Variants in BBS9 observed in about 807,000 individuals in gnomAD.
The protein encoded by BBS9 is Bardet-Biedl syndrome 9.
BBS9 carries 89 observed loss-of-function variants against 117.7 expected under a neutral mutation model. That is an observed-to-expected ratio of 0.76 (90% CI 0.64 to 0.90). BBS9 has a LOEUF of 0.90. Ranked by LOEUF, BBS9 falls within the 40% of genes least tolerant of loss-of-function variation. BBS9 has a pLI of 0.00. For synonymous variants in BBS9, 379 were observed against 370.9 expected (o/e 1.02, Z -0.25); for missense variants, 982 against 1,042.2 (o/e 0.94, Z 0.80).
chr7:33,536,409 A>G (rs1285680872), intron 21 of BBS9, among the ~76,000 whole-genome samples: 1 of 152,162 alleles, frequency 6.6e-6, no homozygotes, highest in Admixed American at 6.5e-5. Flanking sequence ...TTTCTTCCCT[A>G]TAACTCAGAT....
At chr7:33,620,587 A>G (rs181286476) in intron 21 of BBS9, among the ~76,000 whole-genome samples, 1 of 152,264 alleles carries the variant, frequency 6.6e-6, no homozygotes, top group East Asian at 1.9e-4. Context: ...ATGAAAAAAA[A>G]GGAAAAAAAC....
chr7:33,543,058 C>G (rs1344444931), intron 21 of BBS9, among the ~76,000 whole-genome samples: 1 of 152,120 alleles, frequency 6.6e-6, no homozygotes, highest in Non-Finnish European at 1.5e-5. Context: ...AGTGGTTGTA[C>G]TAGTTTACAT....
chr7:33,414,423 G>T (rs1831642691), intron 19 of BBS9, among the ~76,000 whole-genome samples: 1 of 151,932 alleles, frequency 6.6e-6, no homozygotes, highest in Non-Finnish European at 1.5e-5. Flanking sequence ...TATCATTGTA[G>T]AAAATTTATA....
At chr7:33,634,156 C>G (rs531878532) in intron 21 of BBS9, among the ~76,000 whole-genome samples, 1 of 152,226 alleles carries the variant, frequency 6.6e-6, no homozygotes, top group Non-Finnish European at 1.5e-5. Context: ...TCCCTGCTCT[C>G]CCAAGTCCCT....
chr7:33,397,778 G>A (rs1466619464), intron 19 of BBS9, among the ~76,000 whole-genome samples: 1 of 152,092 alleles, frequency 6.6e-6, no homozygotes, highest in Non-Finnish European at 1.5e-5. Flanking sequence ...GAGAACACAT[G>A]GACACATTGT....
chr7:33,477,382 C>T (rs996777478), intron 19 of BBS9, among the ~76,000 whole-genome samples: 3 of 152,090 alleles, frequency 2.0e-5, no homozygotes, highest in Admixed American at 2.0e-4. Flanking sequence ...AGAGAAAAGT[C>T]CATTTGAATG....
chr7:33,555,381 A>G (rs1384446320), intron 21 of BBS9, among the ~76,000 whole-genome samples: 1 of 152,134 alleles, frequency 6.6e-6, no homozygotes, highest in Non-Finnish European at 1.5e-5. Flanking sequence ...GCAATGGAAA[A>G]ATAATGGTGA....
intron 5 of BBS9, among the ~76,000 whole-genome samples, chr7:33,235,193 A>G (rs1051073519): frequency 2.6e-5 from 4 of 152,136 alleles, no homozygotes; most frequent in African/African-American, 9.7e-5. Flanking sequence ...GGCATCATTT[A>G]TGTTTACACA....
intron 20 of BBS9, among the ~76,000 whole-genome samples, chr7:33,508,009 T>G (rs1340816197): frequency 1.3e-5 from 2 of 152,246 alleles, no homozygotes; most frequent in East Asian, 1.9e-4. Context: ...CTTTGTAATG[T>G]GCAGTGCCTC....
intron 21 of BBS9, among the ~76,000 whole-genome samples, chr7:33,543,842 G>C (rs551080008): frequency 1.3e-5 from 2 of 152,206 alleles, no homozygotes; most frequent in African/African-American, 4.8e-5. Flanking sequence ...ATTATTCTTA[G>C]GTTTGTTCAT....
intron 21 of BBS9, among the ~76,000 whole-genome samples, chr7:33,566,473 G>A (rs973687072): frequency 1.3e-5 from 2 of 151,936 alleles, no homozygotes; most frequent in East Asian, 1.9e-4. Context: ...CACCCTTAAA[G>A]TTCCCACTTA....
At chr7:33,590,458 T>TG (rs931579506) in intron 21 of BBS9, among the ~76,000 whole-genome samples, 1 of 98,144 alleles carries the variant, frequency 1.0e-5, no homozygotes, top group African/African-American at 6.8e-5. Context: ...TTTGTTTTTT[T>TG]GTTTTTTTTT....
At chr7:33,382,558 C>T (rs1313433715) in intron 17 of BBS9, among the ~76,000 whole-genome samples, 1 of 151,910 alleles carries the variant, frequency 6.6e-6, no homozygotes, top group Non-Finnish European at 1.5e-5. Flanking sequence ...TAGTTAAGTG[C>T]CTAGTGAACT....
chr7:33,201,369 A>G (rs986307068), intron 5 of BBS9, among the ~76,000 whole-genome samples: 10 of 151,556 alleles, frequency 6.6e-5, no homozygotes, highest in African/African-American at 1.7e-4. Context: ...TTTTATTTTT[A>G]TTGTTAATTT....
chr7:33,520,736 G>C (rs1585104880), intron 20 of BBS9, among the ~76,000 whole-genome samples: 1 of 152,270 alleles, frequency 6.6e-6, no homozygotes, highest in South Asian at 2.1e-4. Flanking sequence ...AGTGTTGCAG[G>C]CCACATAGCT....
intron 6 of BBS9, among the ~76,000 whole-genome samples, chr7:33,262,934 A>G (rs994322185): frequency 6.6e-6 from 1 of 151,100 alleles, no homozygotes; most frequent in African/African-American, 2.4e-5. Flanking sequence ...TAATTAGCAC[A>G]GGATACTCTG....
chr7:33,399,979 G>A (rs904079266), intron 19 of BBS9, among the ~76,000 whole-genome samples: 1 of 151,972 alleles, frequency 6.6e-6, no homozygotes, highest in African/African-American at 2.4e-5. Context: ...CTTCCCTGGG[G>A]CGTGTTCACT....
At chr7:33,369,413 G>A (rs1400225358) in intron 17 of BBS9, among the ~76,000 whole-genome samples, 4 of 152,192 alleles carry the variant, frequency 2.6e-5, no homozygotes, top group South Asian at 4.2e-4. Flanking sequence ...TGTTGCCCAC[G>A]ATTACCTTAC....
At chr7:33,368,561 T>G (rs2128716072) in intron 17 of BBS9, among the ~76,000 whole-genome samples, 1 of 147,104 alleles carries the variant, frequency 6.8e-6, no homozygotes, top group African/African-American at 2.6e-5. Context: ...AACGAATCTG[T>G]ATTGAGAGAA....
Sources: allele counts gnomAD v4.1 joint callset (sites outside exome capture counted in the v4.1 genomes callset), GRCh38; gene constraint gnomAD v4.1.1; transcripts MANE v1.5; gene names NCBI Gene and HGNC (gene_info 2026-07-23, HGNC 2026-07-21).